Variants in NAXD observed in about 807,000 individuals in gnomAD.
NAXD encodes the protein NAD(P)HX dehydratase.
In NAXD, 22 loss-of-function variants were observed where a neutral mutation model predicts 35.8. The observed-to-expected ratio is 0.62, with a 90% CI of 0.44 to 0.88. The LOEUF is 0.88. Among genes scored for constraint, NAXD ranks in the 40% least tolerant of loss-of-function variants. The probability of loss-of-function intolerance (pLI) is 0.00; values close to 1 mark genes in which losing one functional copy is unlikely to be tolerated. For synonymous variants in NAXD, 189 were observed against 177.6 expected (o/e 1.06, Z -0.51); for missense variants, 428 against 437.7 (o/e 0.98, Z 0.20).
At chr13:110,623,886 C>T (rs1260216677) in intron 2 of NAXD, among the ~76,000 whole-genome samples, 1 of 151,946 alleles carries the variant, frequency 6.6e-6, no homozygotes, top group African/African-American at 2.4e-5. Context: ...CCTGTAATCC[C>T]AGCTACTCAG....
At chr13:110,632,243 T>C (rs1310603091) in intron 5 of NAXD, among the ~76,000 whole-genome samples, 1 of 151,852 alleles carries the variant, frequency 6.6e-6, no homozygotes, top group African/African-American at 2.4e-5. Context: ...GAGTTGTTCG[T>C]TCCTCCCGGT....
chr13:110,628,565 C>A lies in NAXD; in HGVS notation c.441+1018C>A, dbSNP rs549035962. Among the ~76,000 whole-genome samples the A allele has an allele frequency of 1.3e-5, 2 of 152,140 alleles. No homozygotes were observed. The highest frequency in any genetic ancestry group is 1.3e-4 in the Admixed American group (2 of 15,270). ...GGCTTGAAGGCGGCGAGTGATGGAG[C>A]CAGCAGTGCAGGATGAGTCATCTGA... On this transcript the variant is annotated intron_variant, in intron 5 of 9. Coordinates refer to ENST00000680254, the MANE Select transcript of NAXD (RefSeq NM_001242882.2). This position sits in a 1 kb window ranked among gnomAD's most constrained non-coding sequence, Gnocchi z 4.1.
rs570176048 is a variant in NAXD, at chr13:110,616,034, G to A, written c.46+387G>A. ...CGGCGGAGCCCGCGCGGTGGCCGGG[G>A]AACGGGGGGCCGAGGGCCGAGGACG... On this transcript the variant is annotated intron_variant, in intron 1 of 9. Transcript: ENST00000680254. 4.7e-5 allele frequency: 18 copies of A among 380,606 alleles called. 1 individual carries two copies. The highest frequency in any genetic ancestry group is 1.4e-3 in the Middle Eastern group (2 of 1,458). 23.6% of individuals were successfully genotyped at this position (380,606 alleles called of 1,614,324 possible). A position where few individuals can be genotyped will look rare whatever the true frequency, so the allele number is the denominator to read the frequency against.
chr13:110,620,971 G>A (rs957908654), intron 1 of NAXD, among the ~76,000 whole-genome samples: 7 of 152,202 alleles, frequency 4.6e-5, no homozygotes, highest in African/African-American at 1.4e-4. Context: ...TCATAGCCGA[G>A]CTGTTTTAAA....
At chr13:110,629,269 T>C (rs904449379) in intron 5 of NAXD, among the ~76,000 whole-genome samples, 2 of 151,282 alleles carry the variant, frequency 1.3e-5, no homozygotes, top group Non-Finnish European at 2.9e-5. Context: ...TGGGATCTGG[T>C]AGCAAAGAAA....
Position 110,627,464 on chromosome 13 carries a change from G to GT in NAXD, c.359dup (p.Glu121GlyfsTer18). 1 of 1,614,076 alleles carries GT rather than the reference G, an allele frequency of 6.2e-7. No homozygotes were observed. Among genetic ancestry groups the GT allele is most frequent in the Non-Finnish European group, 8.5e-7 (1 of 1,179,940 alleles). ...TGACAGCCCCAATGCTGTTCATGAGGTGGAGAAGTGGCTGCCCCGGCTGCA... is the reference window on the plus strand; with the variant it reads ...TGACAGCCCCAATGCTGTTCATGAGGTTGGAGAAGTGGCTGCCCCGGCTGCA... On this transcript the variant is annotated frameshift_variant, in exon 5 of 10. Transcript: ENST00000680254. LOFTEE classifies it high-confidence loss of function.
intron 1 of NAXD, among the ~76,000 whole-genome samples, chr13:110,620,348 G>A (rs932373986): frequency 1.3e-5 from 2 of 151,804 alleles, no homozygotes; most frequent in East Asian, 2.0e-4. Flanking sequence ...TTGGGAGGCC[G>A]AGGTGGGCAG....
intron 5 of NAXD, among the ~76,000 whole-genome samples, chr13:110,631,683 T>C (rs1886700960): frequency 6.6e-6 from 1 of 152,242 alleles, no homozygotes; most frequent in South Asian, 2.1e-4. Context: ...AAAATCTGAA[T>C]TAGCAAAAGC....
At position 110,622,350 on chromosome 13, in the gene NAXD, G is replaced by C. The variant is rs770832128; in HGVS notation, c.181G>C (p.Val61Leu). The C allele has an allele frequency of 3.1e-6, 5 of 1,614,212 alleles. No individual in the cohort carries two copies. In the Admixed American group the frequency reaches 8.3e-5, roughly 27 times the overall value. The change falls in exon 2 of 10, where the codon GTT becomes CTT. Residue 61 changes from valine to leucine, a missense_variant. By Grantham distance (32) the Val-to-Leu change is conservative (BLOSUM62 1). Around this residue, in one of 3 missense-constraint regions of NAXD, gnomAD observed 208 missense variants for 193.0 expected, o/e 1.08. Coordinates refer to ENST00000680254, the MANE Select transcript of NAXD (RefSeq NM_001242882.2). ...AGGGCAAGATGGAAGAATAGGCGTA[G>C]TTGGAGGCTGTCAGGAGTAAGTAGC... ...HKGQDGRIGV[V>L]GGCQEYTGAP...
intron 5 of NAXD, among the ~76,000 whole-genome samples, chr13:110,633,929 C>G (rs537108310): frequency 6.6e-6 from 1 of 152,102 alleles, no homozygotes; most frequent in African/African-American, 2.4e-5. Flanking sequence ...TTCCTGCCTC[C>G]GAATGCTGCG....
chr13:110,623,248 G>A (rs563577105), intron 2 of NAXD, among the ~76,000 whole-genome samples: 2 of 152,306 alleles, frequency 1.3e-5, no homozygotes, highest in South Asian at 4.1e-4. Context: ...CCGCTTTGCA[G>A]GAGAAGGCCA....
intron 5 of NAXD, 37 bp downstream of exon 5, chr13:110,627,584 C>T (rs1235041767): frequency 1.4e-6 from 2 of 1,439,456 alleles, no homozygotes; most frequent in Non-Finnish European, 2.0e-6. Flanking sequence ...TCATGACAGG[C>T]TTAGCCTTAG....
intron 5 of NAXD, among the ~76,000 whole-genome samples, chr13:110,629,008 C>G (rs1017213351): frequency 4.6e-5 from 7 of 152,200 alleles, no homozygotes; most frequent in African/African-American, 1.7e-4. Flanking sequence ...GACTCTGGAC[C>G]TTGCATTCTG....
rs745899700 is a variant in NAXD at position 110,635,461 on chromosome 13, G to C, written c.598-7G>C. On this transcript the variant is annotated splice_polypyrimidine_tract_variant and splice_region_variant and intron_variant, in intron 7 of 9. Coordinates refer to ENST00000680254, the MANE Select transcript of NAXD (RefSeq NM_001242882.2). ...TGCTTTTTCTCTGTCTTCCTGTGTT[G>C]TCATAGCTCAGAGGCCCTATGGACA... 18 of 1,612,824 alleles carry C rather than the reference G, an allele frequency of 1.1e-5. No individual in the cohort carries two copies. The Admixed American group carries it at 2.5e-4, about 22-fold the overall frequency.
In NAXD at chr13:110,622,271, T is replaced by C. The variant is rs35779668; in HGVS notation, c.102T>C (p.Asn34=). Residue 34 remains asparagine, a synonymous_variant, in exon 2 of 10, where the codon AAT becomes AAC. Coordinates refer to ENST00000680254, the MANE Select transcript of NAXD (RefSeq NM_001242882.2). ...CACATTCGATAAAGGATATGGAAAA[T>C]ACTTTGCAGCTGGTGAGAAATATCA... The part of the protein sequence containing the change: ...RKAHSIKDME[N]TLQLVRNIIP... The C allele has an allele frequency of 6.2e-7, 1 of 1,614,144 alleles. No homozygotes were observed. Among genetic ancestry groups the C allele is most frequent in the South Asian group, 1.1e-5 (1 of 91,086 alleles).
intron 2 of NAXD, among the ~76,000 whole-genome samples, 194 bp from the exon 3 acceptor site, chr13:110,624,040 G>A (rs1306538336): frequency 1.3e-5 from 2 of 151,196 alleles, no homozygotes; most frequent in African/African-American, 4.9e-5. Flanking sequence ...AGTCGAACCT[G>A]GTTCATGTTC....
At chr13:110,631,074 T>C (rs896959368) in intron 5 of NAXD, among the ~76,000 whole-genome samples, 1 of 152,116 alleles carries the variant, frequency 6.6e-6, no homozygotes, top group African/African-American at 2.4e-5. Flanking sequence ...TGAAGATCAG[T>C]TGGGGGAATG....
chr13:110,615,686 C>A, intron 1 of NAXD, 39 bp downstream of exon 1: 1 of 1,524,342 alleles, frequency 6.6e-7, no homozygotes, highest in Non-Finnish European at 8.8e-7. Context: ...TGGTCACACG[C>A]GCGGGGGCCG....
At chr13:110,630,191 G>A (rs1467032946) in intron 5 of NAXD, among the ~76,000 whole-genome samples, 1 of 151,996 alleles carries the variant, frequency 6.6e-6, no homozygotes, top group Non-Finnish European at 1.5e-5. Flanking sequence ...ATCACACCCA[G>A]CTAATTTTTG....
Sources: allele counts gnomAD v4.1 joint callset (sites outside exome capture counted in the v4.1 genomes callset), GRCh38; gene constraint gnomAD v4.1.1; regional missense constraint gnomAD v4.1.1; non-coding constraint Gnocchi (gnomAD v3.1); transcripts MANE v1.5; gene names NCBI Gene and HGNC (gene_info 2026-07-23, HGNC 2026-07-21).